The following ITGA6 variants were observed in gnomAD, a reference collection of about 807,000 sequenced individuals.
ITGA6 encodes integrin alpha-6.
In ITGA6, 63 loss-of-function variants were observed where a neutral mutation model predicts 133.6. That is an observed-to-expected ratio of 0.47 (90% confidence interval 0.38 to 0.58). The LOEUF (loss-of-function observed/expected upper bound fraction) is 0.58. Ranked by LOEUF, ITGA6 falls within the 20% of genes least tolerant of loss-of-function variation. ITGA6 has a pLI of 0.00. For synonymous variants in ITGA6, 434 were observed against 482.0 expected, an observed-to-expected ratio of 0.90 and a Z score of 1.30; for missense variants, 1,068 against 1,309.4, an observed-to-expected ratio of 0.82 and a Z score of 2.85.
In ITGA6 at chr2:172,451,462, T is replaced by TAA. The variant is rs57101233; in HGVS notation, c.183-14062_183-14061dup. 7.2e-4 allele frequency among the ~76,000 whole-genome samples: 98 copies of TAA among 135,516 alleles called. No individual in the cohort carries two copies. In the East Asian group the frequency reaches 0.011, roughly 15 times the overall value. 88.9% of individuals were successfully genotyped at this position (135,516 alleles called of 152,430 possible). ...CCTGGGCAACAGAGCGAGACTATCTTAAAAAAAAAAAAAAAAGGGAATGCT... is the reference window on the plus strand; with the variant it reads ...CCTGGGCAACAGAGCGAGACTATCTTAAAAAAAAAAAAAAAAAAGGGAATGCT... On this transcript the variant is annotated intron_variant, in intron 1 of 25. Transcript: ENST00000684293.
At chr2:172,444,588 G>A (rs201126381) in intron 1 of ITGA6, among the ~76,000 whole-genome samples, 2 of 106,156 alleles carry the variant, frequency 1.9e-5, no homozygotes, top group Admixed American at 1.0e-4. Context: ...CAAAATCCCC[G>A]CCCCCCGCCC....
At chr2:172,484,177 A>C (rs927851408) in intron 11 of ITGA6, among the ~76,000 whole-genome samples, 3 of 152,234 alleles carry the variant, frequency 2.0e-5, no homozygotes, top group Non-Finnish European at 2.9e-5. Flanking sequence ...TCTAAAATAT[A>C]TTATTCCTCT....
At chr2:172,440,417 A>C (rs1270647685) in intron 1 of ITGA6, among the ~76,000 whole-genome samples, 1 of 152,186 alleles carries the variant, frequency 6.6e-6, no homozygotes, top group Non-Finnish European at 1.5e-5. Context: ...CATAACATAA[A>C]ATTTATTTTA....
intron 1 of ITGA6, among the ~76,000 whole-genome samples, chr2:172,435,923 C>A (rs1321221995): frequency 6.6e-6 from 1 of 152,010 alleles, no homozygotes; most frequent in Non-Finnish European, 1.5e-5. Flanking sequence ...GCCACCATGC[C>A]CAGCCCCAAG....
intron 1 of ITGA6, among the ~76,000 whole-genome samples, chr2:172,435,442 T>C (rs1350793594): frequency 6.6e-6 from 1 of 151,886 alleles, no homozygotes. Context: ...AGAACAAAGG[T>C]ATCGAAACAA....
chr2:172,465,865 T>G (rs1188916274), intron 2 of ITGA6: 1 of 747,906 alleles, frequency 1.3e-6, no homozygotes, highest in African/African-American at 1.7e-5. Context: ...GTTTTGCTGC[T>G]CCTCCTAACC....
Position 172,473,823 on chromosome 2 carries a change from TAGTTA to T in ITGA6, c.776-230_776-226del, listed in dbSNP as rs372832031. Among the ~76,000 whole-genome samples the T allele has an allele frequency of 3.6e-3, 541 of 152,306 alleles. 3 individuals carry two copies. Among genetic ancestry groups the T allele is most frequent in the African/African-American group, 0.012 (492 of 41,564 alleles). On this transcript the variant is annotated intron_variant, in intron 5 of 25. Transcript: ENST00000684293. ...AATTCAAGTTATACATAGGTGCTTT[TAGTTA>T]AAAGTCTTAATATCCATAGAAAGCA...
At chr2:172,456,150 C>T (rs1685198292) in intron 1 of ITGA6, among the ~76,000 whole-genome samples, 1 of 152,218 alleles carries the variant, frequency 6.6e-6, no homozygotes, top group Non-Finnish European at 1.5e-5. Flanking sequence ...GCACTTCCCC[C>T]TGCAGCCAGA....
intron 2 of ITGA6, chr2:172,465,986 C>T: frequency 2.4e-6 from 1 of 417,902 alleles, no homozygotes; most frequent in Admixed American, 3.7e-5. Context: ...AATGAATGAG[C>T]GTATCTTGTA....
At chr2:172,493,146 A>C (rs1470399378) in intron 23 of ITGA6, among the ~76,000 whole-genome samples, 3 of 152,042 alleles carry the variant, frequency 2.0e-5, no homozygotes, top group African/African-American at 7.2e-5. Context: ...GGACTCAAGC[A>C]ATCCGCCTGC....
chr2:172,433,020 G>A (rs560516886), intron 1 of ITGA6, among the ~76,000 whole-genome samples: 3 of 152,256 alleles, frequency 2.0e-5, no homozygotes, highest in South Asian at 4.1e-4. Flanking sequence ...TACCTGCTCC[G>A]GGGGTGAGCC....
intron 1 of ITGA6, among the ~76,000 whole-genome samples, chr2:172,435,689 C>T (rs1393073148): frequency 1.5e-5 from 2 of 133,980 alleles, no homozygotes; most frequent in African/African-American, 5.9e-5. Flanking sequence ...TGTAGCGATG[C>T]GATTTCAGCT....
At chr2:172,498,590 A>T (rs558145236) in intron 24 of ITGA6, among the ~76,000 whole-genome samples, 1 of 152,362 alleles carries the variant, frequency 6.6e-6, no homozygotes, top group South Asian at 2.1e-4. Context: ...GGGTCACTAT[A>T]GCGTGTATCA....
chr2:172,428,791 A>G (rs1474481931), intron 1 of ITGA6, among the ~76,000 whole-genome samples: 1 of 151,606 alleles, frequency 6.6e-6, no homozygotes, highest in Admixed American at 6.6e-5. Context: ...GTAGCGGTAA[A>G]CCTCCCAGGA....
rs1053538472 is a variant in ITGA6, at chr2:172,505,186, T to C, written c.*1118T>C. ...ACTGTAAAGATGTTTATTTCAGGCA[T>C]TGGATATTTTTTACTTTAGAAGCCT... On this transcript the variant is annotated 3_prime_UTR_variant, in exon 26 of 26. Coordinates refer to ENST00000684293, the MANE Select transcript of ITGA6 (RefSeq NM_000210.4). The C allele has an allele frequency of 1.4e-4, 22 of 152,612 alleles. No individual in the cohort carries two copies. Among genetic ancestry groups the C allele is most frequent in the African/African-American group, 7.2e-5 (3 of 41,466 alleles). 9.5% of individuals were successfully genotyped at this position (152,612 alleles called of 1,614,324 possible).
intron 2 of ITGA6, 83 bp from the exon 3 acceptor site, chr2:172,467,398 G>T (rs1455493060): frequency 5.7e-6 from 6 of 1,045,856 alleles, no homozygotes; most frequent in South Asian, 1.3e-5. Flanking sequence ...AGGCCATTTG[G>T]AAACAGTTGC....
intron 10 of ITGA6, 37 bp from the exon 11 acceptor site, chr2:172,479,953 T>G: frequency 7.0e-7 from 1 of 1,418,568 alleles, no homozygotes; most frequent in Non-Finnish European, 1.0e-6. Context: ...ACTGCAATAA[T>G]GGATCTTTTA....
chr2:172,458,992 GAGA>G lies in ITGA6; in HGVS notation c.183-6544_183-6542del, dbSNP rs375278886. 3.9e-5 allele frequency among the ~76,000 whole-genome samples: 6 copies of G among 152,214 alleles called. No homozygotes were observed. In the East Asian group the frequency reaches 9.7e-4, roughly 24 times the overall value. On this transcript the variant is annotated intron_variant, in intron 1 of 25. Transcript: ENST00000684293. ...ACAGTTGAAAAATCTCAGAACCACA[GAGA>G]AGGAGGGAAAATGAGAGAAAGGGTA...
At chr2:172,472,718 C>T in intron 5 of ITGA6, 1 of 1,171,572 alleles carries the variant, frequency 8.5e-7, no homozygotes, top group Non-Finnish European at 1.3e-6. Flanking sequence ...TGTCCTGCCT[C>T]TTACCAAGCA....
Sources: gnomAD v4.1 joint callset for allele counts (sites outside exome capture counted in the v4.1 genomes callset) on GRCh38, gnomAD v4.1.1 for gene constraint, MANE v1.5 for transcripts, NCBI Gene and HGNC (gene_info 2026-07-23, HGNC 2026-07-21) for gene names.